The following ACOXL variants were observed in gnomAD, a reference collection of about 807,000 sequenced individuals.
ACOXL encodes the protein acyl-coenzyme A oxidase-like protein.
In ACOXL, 70 loss-of-function variants were observed where a neutral mutation model predicts 71.9. The observed-to-expected ratio is 0.97, with a 90% CI of 0.80 to 1.19. The LOEUF is 1.19. Ranked by LOEUF, ACOXL falls within the 50% of genes most tolerant of loss-of-function variation. ACOXL has a pLI of 0.00. For synonymous variants in ACOXL, 253 were observed against 281.6 expected, an observed-to-expected ratio of 0.90 and a Z score of 1.02; for missense variants, 703 against 736.3, an observed-to-expected ratio of 0.95 and a Z score of 0.52.
chr2:110,846,775 G>C (rs1691935013), intron 10 of ACOXL, among the ~76,000 whole-genome samples: 2 of 147,904 alleles, frequency 1.4e-5, no homozygotes, highest in South Asian at 2.2e-4. Flanking sequence ...GTATAGAGGG[G>C]TGTGTGTGTG....
chr2:110,814,911 A>G (rs1454292861), intron 9 of ACOXL, among the ~76,000 whole-genome samples: 1 of 152,110 alleles, frequency 6.6e-6, no homozygotes, highest in African/African-American at 2.4e-5. Context: ...GGAATTTCTA[A>G]TTGCCTTTGT....
intron 14 of ACOXL, among the ~76,000 whole-genome samples, chr2:111,021,374 C>T (rs2064751175): frequency 1.3e-5 from 2 of 152,208 alleles, no homozygotes; most frequent in Non-Finnish European, 2.9e-5. Context: ...TGTATCCTTT[C>T]TCCCATATTC....
rs571226421 is a variant in ACOXL at position 110,879,713 on chromosome 2, G to A, written c.789-29076G>A. Among the ~76,000 whole-genome samples the A allele has an allele frequency of 7.0e-4, 106 of 152,208 alleles. 1 individual carries two copies. Among genetic ancestry groups the A allele is most frequent in the African/African-American group, 2.5e-3 (105 of 41,528 alleles). On this transcript the variant is annotated intron_variant, in intron 10 of 17. Coordinates refer to ENST00000439055, the MANE Select transcript of ACOXL (RefSeq NM_001142807.4). ...GCATGTCTGGAGCCAAGCACTTAGG[G>A]CGTTTTTTTGCTCAGTAACAAGGGC...
chr2:111,064,174 C>T (rs1313873608), intron 16 of ACOXL, among the ~76,000 whole-genome samples: 2 of 152,092 alleles, frequency 1.3e-5, no homozygotes, highest in Non-Finnish European at 2.9e-5. Flanking sequence ...CAGTGGCTCA[C>T]GCCTGTAATC....
chr2:110,982,006 T>G (rs965323357), intron 12 of ACOXL, among the ~76,000 whole-genome samples: 6 of 152,234 alleles, frequency 3.9e-5, no homozygotes, highest in African/African-American at 1.4e-4. Flanking sequence ...CAGATTTAAC[T>G]GAAACAACAA....
chr2:110,786,304 T>C (rs1683956283), intron 3 of ACOXL, among the ~76,000 whole-genome samples: 1 of 152,210 alleles, frequency 6.6e-6, no homozygotes, highest in Non-Finnish European at 1.5e-5. Context: ...GGACATTGTC[T>C]ATTGGTAGGT....
intron 1 of ACOXL, among the ~76,000 whole-genome samples, chr2:110,755,031 A>C (rs530354466): frequency 1.1e-4 from 17 of 151,400 alleles, no homozygotes; most frequent in South Asian, 4.2e-4. Flanking sequence ...TCCTAGAGAG[A>C]TCTCTCTCTC....
At chr2:110,819,203 C>T (rs537771192) in intron 9 of ACOXL, among the ~76,000 whole-genome samples, 1 of 152,260 alleles carries the variant, frequency 6.6e-6, no homozygotes, top group Admixed American at 6.5e-5. Context: ...TTGAAAGCAG[C>T]TGGGAAGGTG....
At chr2:111,025,840 A>T (rs1284412687) in intron 14 of ACOXL, among the ~76,000 whole-genome samples, 1 of 152,216 alleles carries the variant, frequency 6.6e-6, no homozygotes, top group Non-Finnish European at 1.5e-5. Context: ...CAAGGTCACT[A>T]AGATTTTCTG....
chr2:110,925,764 A>G (rs2060246101), intron 11 of ACOXL, among the ~76,000 whole-genome samples: 1 of 151,854 alleles, frequency 6.6e-6, no homozygotes, highest in Non-Finnish European at 1.5e-5. Context: ...TTGCATTCAC[A>G]ACTTGGCTAA....
intron 2 of ACOXL, 116 bp downstream of exon 2, chr2:110,768,580 T>C (rs1452856454): frequency 2.2e-6 from 2 of 893,642 alleles, no homozygotes; most frequent in Non-Finnish European, 1.7e-6. Context: ...AGAGGGTATA[T>C]GTGCAGGTTT....
chr2:110,853,053 A>G (rs1007041514), intron 10 of ACOXL, among the ~76,000 whole-genome samples: 1 of 152,140 alleles, frequency 6.6e-6, no homozygotes, highest in African/African-American at 2.4e-5. Flanking sequence ...CTTTGTCTGC[A>G]TCCCCTCCAC....
chr2:110,907,023 T>A (rs1035797760), intron 10 of ACOXL, among the ~76,000 whole-genome samples: 1 of 152,266 alleles, frequency 6.6e-6, no homozygotes, highest in Admixed American at 6.5e-5. Flanking sequence ...GTAAAATGAT[T>A]ATGTTAATCA....
intron 1 of ACOXL, among the ~76,000 whole-genome samples, chr2:110,743,355 G>T (rs1197858277): frequency 6.6e-6 from 1 of 152,148 alleles, no homozygotes; most frequent in African/African-American, 2.4e-5. Context: ...TTTGTCCCAG[G>T]CCACATGGGA....
chr2:110,860,339 G>T (rs1007653788), intron 10 of ACOXL, among the ~76,000 whole-genome samples: 1 of 152,180 alleles, frequency 6.6e-6, no homozygotes, highest in Non-Finnish European at 1.5e-5. Flanking sequence ...TTGAACTCCC[G>T]ACCTCAAGTG....
intron 12 of ACOXL, among the ~76,000 whole-genome samples, chr2:110,976,566 G>A (rs571328965): frequency 6.6e-6 from 1 of 152,180 alleles, no homozygotes; most frequent in South Asian, 2.1e-4. Flanking sequence ...TGAACTGCAG[G>A]AAAGCATTCA....
chr2:110,747,883 C>G (rs1057488231), intron 1 of ACOXL, among the ~76,000 whole-genome samples: 1 of 152,174 alleles, frequency 6.6e-6, no homozygotes, highest in Non-Finnish European at 1.5e-5. Context: ...CACCTCCTCC[C>G]CATTCTCTCC....
At chr2:111,105,441 T>G (rs980250865) in intron 17 of ACOXL, among the ~76,000 whole-genome samples, 8 of 152,034 alleles carry the variant, frequency 5.3e-5, no homozygotes, top group Non-Finnish European at 8.8e-5. Context: ...CTTACTGTGC[T>G]GAATCTTCCA....
At chr2:110,987,799 T>C (rs2062995868) in intron 13 of ACOXL, among the ~76,000 whole-genome samples, 2 of 152,226 alleles carry the variant, frequency 1.3e-5, no homozygotes, top group South Asian at 4.1e-4. Flanking sequence ...TTCCATCCTG[T>C]ATATATGCCA....
Sources: gnomAD v4.1 joint callset for allele counts (sites outside exome capture counted in the v4.1 genomes callset) on GRCh38, gnomAD v4.1.1 for gene constraint, MANE v1.5 for transcripts, NCBI Gene and HGNC (gene_info 2026-07-23, HGNC 2026-07-21) for gene names.